Variants in CYB5B observed in about 807,000 individuals in gnomAD.
The protein encoded by CYB5B is cytochrome b5 type B.
A neutral mutation model predicts 21.3 loss-of-function variants in CYB5B; 14 were observed. The ratio of observed to expected loss-of-function variants is 0.66; its 90% CI spans 0.43 to 1.03. CYB5B has a LOEUF of 1.03. Ranked by LOEUF, CYB5B falls within the 50% of genes least tolerant of loss-of-function variation. The pLI, the probability that CYB5B is intolerant of heterozygous loss-of-function variation, is 0.00. For missense variants in CYB5B, 166 were observed against 185.1 expected (o/e 0.90, Z 0.60); for synonymous variants, 69 against 68.4 (o/e 1.01, Z -0.04).
chr16:69,441,246 C>T (rs546977887), intron 1 of CYB5B, among the ~76,000 whole-genome samples: 11 of 151,794 alleles, frequency 7.2e-5, no homozygotes, highest in Non-Finnish European at 1.5e-4. Flanking sequence ...CTCCGCCTCC[C>T]GCGTTCAAGT....
intron 3 of CYB5B, among the ~76,000 whole-genome samples, chr16:69,451,584 T>G (rs944828652): frequency 1.3e-5 from 2 of 152,102 alleles, no homozygotes; most frequent in African/African-American, 2.4e-5. Context: ...TGTTCCCCAT[T>G]ACATTTTTTT....
At chr16:69,432,280 T>A (rs915706370) in intron 1 of CYB5B, among the ~76,000 whole-genome samples, 1 of 152,204 alleles carries the variant, frequency 6.6e-6, no homozygotes, top group Non-Finnish European at 1.5e-5. Flanking sequence ...TTTTTGACTT[T>A]ACCATGGTGT....
intron 3 of CYB5B, among the ~76,000 whole-genome samples, chr16:69,455,498 C>T (rs2014975428): frequency 6.7e-6 from 1 of 148,488 alleles, no homozygotes; most frequent in Non-Finnish European, 1.5e-5. Context: ...ACCTCTGCCT[C>T]CCGGGTTCAA....
intron 2 of CYB5B, among the ~76,000 whole-genome samples, 170 bp from the exon 3 acceptor site, chr16:69,447,945 G>A (rs2014893954): frequency 6.6e-6 from 1 of 151,816 alleles, no homozygotes; most frequent in Non-Finnish European, 1.5e-5. Context: ...ATTCTAACAA[G>A]GGACTCTGAT....
intron 4 of CYB5B, 60 bp downstream of exon 4, chr16:69,459,181 C>T: frequency 6.4e-7 from 1 of 1,572,378 alleles, no homozygotes; most frequent in Non-Finnish European, 8.6e-7. Context: ...AGAGACTCTT[C>T]CATAAGTATA....
chr16:69,461,257 G>A (rs2015033533), intron 4 of CYB5B, among the ~76,000 whole-genome samples: 1 of 151,840 alleles, frequency 6.6e-6, no homozygotes, highest in Admixed American at 6.6e-5. Context: ...GTTTTCTCAA[G>A]GATCCTACTT....
At position 69,424,832 on chromosome 16, in the gene CYB5B, A is replaced by G; in HGVS notation, c.149A>G (p.Tyr50Cys). ...ELWLVIHGRV[Y>C]DVTRFLNEHP... is the part of the protein sequence containing the mutation. ...TGGCTTGTGATCCATGGGCGAGTCT[A>G]CGATGTCACCCGCTTCCTCAACGAG... The change falls in exon 1 of 5, where the codon TAC (tyrosine) becomes TGC (cysteine). Residue 50 changes from tyrosine (Y) to cysteine (C), a missense_variant. Physicochemically the swap from Tyr to Cys is radical, Grantham distance 194. Transcript: ENST00000307892. 6.3e-7 allele frequency: 1 copy of G among 1,592,490 alleles called. No homozygotes were observed. Among genetic ancestry groups the G allele is most frequent in the East Asian group, 2.3e-5 (1 of 42,808 alleles).
Position 69,462,545 on chromosome 16 carries a change from T to C in CYB5B, c.*25T>C. The C allele has an allele frequency of 6.3e-7, 1 of 1,599,662 alleles. No homozygotes were observed. Among genetic ancestry groups the C allele is most frequent in the Non-Finnish European group, 8.6e-7 (1 of 1,167,426 alleles). ...AGGAGGCCTTGCTGAAGTTAGAAAGTGCATCCACTTTGGGGCGAAAACTAG... is the reference window on the plus strand; with the variant it reads ...AGGAGGCCTTGCTGAAGTTAGAAAGCGCATCCACTTTGGGGCGAAAACTAG... On this transcript the variant is annotated 3_prime_UTR_variant, in exon 5 of 5. Coordinates refer to ENST00000307892, the MANE Select transcript of CYB5B (RefSeq NM_030579.3).
rs1003366665 is a variant in CYB5B, at chr16:69,424,753, G to C, written c.70G>C (p.Val24Leu). Residue 24 changes from valine to leucine, a missense_variant, in exon 1 of 5, where the codon GTC (valine) becomes CTC (leucine). Val to Leu is a conservative substitution (Grantham distance 32). Transcript: ENST00000307892. ...DGKGQEVETS[V>L]TYYRLEEVAK... ...GAAAGGGCAGGAAGTCGAGACCTCA[G>C]TCACCTATTACCGGTTGGAGGAGGT... 5.6e-6 allele frequency: 9 copies of C among 1,602,902 alleles called. 1 individual carries two copies. The African/African-American group carries it at 9.4e-5, about 17-fold the overall frequency.
intron 3 of CYB5B, among the ~76,000 whole-genome samples, chr16:69,456,161 A>G (rs1453849391): frequency 6.6e-6 from 1 of 151,878 alleles, no homozygotes; most frequent in East Asian, 1.9e-4. Flanking sequence ...TATTTTTGAG[A>G]CAGGGTCTTG....
intron 3 of CYB5B, among the ~76,000 whole-genome samples, chr16:69,458,682 A>G (rs2015004252): frequency 6.6e-6 from 1 of 152,198 alleles, no homozygotes; most frequent in South Asian, 2.1e-4. Flanking sequence ...TCTACATGTT[A>G]GAAGAGCTTT....
intron 1 of CYB5B, among the ~76,000 whole-genome samples, chr16:69,427,041 A>T (rs2014654789): frequency 6.6e-6 from 1 of 152,168 alleles, no homozygotes; most frequent in Non-Finnish European, 1.5e-5. Flanking sequence ...GGAGTTCGAG[A>T]CCAGTCTGGC....
chr16:69,459,014 C>G, intron 3 of CYB5B, 79 bp from the exon 4 acceptor site: 1 of 1,346,958 alleles, frequency 7.4e-7, no homozygotes, highest in Non-Finnish European at 1.0e-6. Flanking sequence ...ATAGCTTGAT[C>G]AAGAAAATGT....
At chr16:69,436,522 G>A (rs761741485) in intron 1 of CYB5B, among the ~76,000 whole-genome samples, 1 of 152,140 alleles carries the variant, frequency 6.6e-6, no homozygotes, top group African/African-American at 2.4e-5. Flanking sequence ...CTATAGACCT[G>A]CACCGTTTCC....
rs181501333 is a variant in CYB5B at position 69,447,173 on chromosome 16, G to T, written c.198G>T (p.Leu66=). The part of the protein sequence containing the change: ...LNEHPGGEEV[L]LEQAGVDASE... ...AGCACCCTGGAGGAGAAGAGGTTCTGCTGGAACAAGCTGGTGTAGATGCAA... is the reference window on the plus strand; with the variant it reads ...AGCACCCTGGAGGAGAAGAGGTTCTTCTGGAACAAGCTGGTGTAGATGCAA... Residue 66 remains leucine, a synonymous_variant, in exon 2 of 5, where the codon CTG becomes CTT. Transcript: ENST00000307892. 4.5e-5 allele frequency: 73 copies of T among 1,614,068 alleles called. 1 individual carries two copies. Among genetic ancestry groups the T allele is most frequent in the Admixed American group, 3.3e-4 (20 of 60,026 alleles).
chr16:69,429,450 GCTGATTGGTGCATTTTTACAGCATA>G (rs1640149765), intron 1 of CYB5B, among the ~76,000 whole-genome samples: 1 of 152,120 alleles, frequency 6.6e-6, no homozygotes, highest in Admixed American at 6.6e-5. Context: ...GACACAGAGT[GCTGATTGGTGCATTTTTACAGCATA>G]CTGATTGGTG....
At chr16:69,460,784 A>G (rs73566732) in intron 4 of CYB5B, among the ~76,000 whole-genome samples, 5,427 of 152,306 alleles carry the variant, frequency 0.036, 318 homozygotes, top group African/African-American at 0.12. Flanking sequence ...AAATTGTGGT[A>G]TATTCATACA....
intron 1 of CYB5B, among the ~76,000 whole-genome samples, chr16:69,430,217 A>C (rs862349): frequency 0.85 from 129,424 of 151,984 alleles, 55,501 homozygotes; most frequent in African/African-American, 0.95. Context: ...TATATAATGT[A>C]TTTTTTTTTC....
chr16:69,452,352 A>G (rs1453252600), intron 3 of CYB5B, among the ~76,000 whole-genome samples: 1 of 150,734 alleles, frequency 6.6e-6, no homozygotes, highest in African/African-American at 2.4e-5. Context: ...AGCCTCATAC[A>G]TACTATTCTT....
Sources: gnomAD v4.1 joint callset for allele counts (sites outside exome capture counted in the v4.1 genomes callset) on GRCh38, gnomAD v4.1.1 for gene constraint, MANE v1.5 for transcripts, NCBI Gene and HGNC (gene_info 2026-07-23, HGNC 2026-07-21) for gene names.